The following OSTN variants were observed in gnomAD, a reference collection of about 807,000 sequenced individuals.
OSTN encodes the protein osteocrin.
OSTN carries 9 observed loss-of-function variants against 12.0 expected under a neutral mutation model. That is an observed-to-expected ratio of 0.75 (90% CI 0.45 to 1.30). OSTN has a LOEUF of 1.30. OSTN is among the 50% of genes most tolerant of loss of function. The pLI, the probability that OSTN is intolerant of heterozygous loss-of-function variation, is 0.00. For missense variants in OSTN, 148 were observed against 152.3 expected, an observed-to-expected ratio of 0.97 and a Z score of 0.15; for synonymous variants, 59 against 56.9, an observed-to-expected ratio of 1.04 and a Z score of -0.16.
At chr3:191,205,665 C>T (rs1228615148) in intron 1 of OSTN, among the ~76,000 whole-genome samples, 1 of 151,908 alleles carries the variant, frequency 6.6e-6, no homozygotes, top group East Asian at 1.9e-4. Flanking sequence ...GAGTAGTACT[C>T]AATTATTTTT....
At chr3:191,257,806 G>T (rs1374599021) in intron 4 of OSTN, among the ~76,000 whole-genome samples, 1 of 152,190 alleles carries the variant, frequency 6.6e-6, no homozygotes, top group Non-Finnish European at 1.5e-5. Context: ...ACATGAACTT[G>T]AAAAGCATTT....
At chr3:191,250,710 T>G (rs1185286936) in intron 4 of OSTN, among the ~76,000 whole-genome samples, 1 of 152,208 alleles carries the variant, frequency 6.6e-6, no homozygotes, top group East Asian at 1.9e-4. Flanking sequence ...AATAATGTAG[T>G]GGTATTCTGA....
At position 191,264,058 on chromosome 3, in the gene OSTN, C is replaced by T. The variant is rs545497811; in HGVS notation, c.*1205C>T. The T allele has an allele frequency of 4.0e-5, 6 of 151,868 alleles. No individual in the cohort carries two copies. Among genetic ancestry groups the T allele is most frequent in the East Asian group, 1.9e-4 (1 of 5,186 alleles). 9.4% of individuals were successfully genotyped at this position (151,868 alleles called of 1,614,324 possible). On this transcript the variant is annotated 3_prime_UTR_variant, in exon 5 of 5. Coordinates refer to ENST00000682035, the MANE Select transcript of OSTN (RefSeq NM_198184.2). The stretch of plus-strand genomic sequence containing the variant: ...AAACCCTAAAAATCACTGTCTGATA[C>T]GTGGGAGGAAAAAAGTTTTGTCCAG...
intron 3 of OSTN, among the ~76,000 whole-genome samples, chr3:191,232,312 G>A (rs998691972): frequency 3.2e-5 from 4 of 125,552 alleles, no homozygotes; most frequent in Non-Finnish European, 4.7e-5. Context: ...CAGCCTGGGT[G>A]ACAGAGGGAG....
At chr3:191,259,452 T>C (rs1715752775) in intron 4 of OSTN, among the ~76,000 whole-genome samples, 1 of 149,908 alleles carries the variant, frequency 6.7e-6, no homozygotes, top group African/African-American at 2.4e-5. Context: ...CCACCCGCCT[T>C]GGCCTCCCGA....
At chr3:191,217,410 A>G (rs577690758) in intron 2 of OSTN, among the ~76,000 whole-genome samples, 38 of 152,270 alleles carry the variant, frequency 2.5e-4, no homozygotes, top group African/African-American at 8.9e-4. Context: ...AGTGAAGAAA[A>G]CTCAAAACCA....
At chr3:191,204,544 A>G (rs1162245674) in intron 1 of OSTN, among the ~76,000 whole-genome samples, 1 of 152,156 alleles carries the variant, frequency 6.6e-6, no homozygotes, top group African/African-American at 2.4e-5. Flanking sequence ...AGCCACACTC[A>G]GTTATCTGGT....
At chr3:191,215,888 G>A (rs969516272) in intron 2 of OSTN, among the ~76,000 whole-genome samples, 3 of 152,028 alleles carry the variant, frequency 2.0e-5, no homozygotes, top group Non-Finnish European at 4.4e-5. Context: ...TCCAATTTGG[G>A]GCCTGGAGTA....
chr3:191,228,221 G>T (rs9290981), intron 3 of OSTN, among the ~76,000 whole-genome samples: 52,077 of 152,004 alleles, frequency 0.34, 11,137 homozygotes, highest in African/African-American at 0.59. Context: ...CTATCAGGTA[G>T]GACAAGATAT....
rs1018240876 is a variant in OSTN, at chr3:191,264,092, A to G, written c.*1239A>G. The G allele has an allele frequency of 3.3e-5, 5 of 152,292 alleles. No individual in the cohort carries two copies. The highest frequency in any genetic ancestry group is 1.2e-4 in the African/African-American group (5 of 41,582). 9.4% of individuals were successfully genotyped at this position (152,292 alleles called of 1,614,324 possible). A position where few individuals can be genotyped will look rare whatever the true frequency, so the allele number is the denominator to read the frequency against. ...AAAAAAGTTTTGTCCAGTAGAGCAA[A>G]GGCTTATTTCAGCATAAAAAGAGAG... On this transcript the variant is annotated 3_prime_UTR_variant, in exon 5 of 5. Transcript: ENST00000682035.
At chr3:191,209,593 G>A (rs1209985477) in intron 1 of OSTN, among the ~76,000 whole-genome samples, 5 of 152,176 alleles carry the variant, frequency 3.3e-5, no homozygotes, top group South Asian at 2.1e-4. Flanking sequence ...TTTAAACATT[G>A]CATGTCAAAA....
chr3:191,261,130 T>A (rs1183728589), intron 4 of OSTN, among the ~76,000 whole-genome samples: 1 of 152,134 alleles, frequency 6.6e-6, no homozygotes, highest in Non-Finnish European at 1.5e-5. Flanking sequence ...GGGGTGAAAT[T>A]TTAATCTCGC....
chr3:191,200,583 A>C (rs141415830), intron 1 of OSTN, among the ~76,000 whole-genome samples: 2 of 152,212 alleles, frequency 1.3e-5, no homozygotes, highest in Non-Finnish European at 2.9e-5. Context: ...TAATCCACCT[A>C]TACAACTGCA....
intron 1 of OSTN, among the ~76,000 whole-genome samples, chr3:191,202,560 A>G (rs1714174016): frequency 6.6e-6 from 1 of 152,210 alleles, no homozygotes; most frequent in African/African-American, 2.4e-5. Flanking sequence ...TATGTTGGCT[A>G]GCTTAATGTA....
At chr3:191,214,864 T>C in intron 2 of OSTN, among the ~76,000 whole-genome samples, 1 of 152,012 alleles carries the variant, frequency 6.6e-6, no homozygotes, top group Non-Finnish European at 1.5e-5. Flanking sequence ...AATGCAAAAT[T>C]AGCTGGGTGT....
chr3:191,230,507 T>C (rs1023604347), intron 3 of OSTN, among the ~76,000 whole-genome samples: 1 of 133,310 alleles, frequency 7.5e-6, no homozygotes, highest in African/African-American at 2.9e-5. Flanking sequence ...GAGGTTGCAG[T>C]GAGCTGAGAT....
At chr3:191,261,638 T>C (rs1427354014) in intron 4 of OSTN, among the ~76,000 whole-genome samples, 1 of 152,210 alleles carries the variant, frequency 6.6e-6, no homozygotes, top group East Asian at 1.9e-4. Flanking sequence ...CAAGGAAGTA[T>C]ATTTTGGGTA....
chr3:191,200,973 C>A (rs1023804710), intron 1 of OSTN, among the ~76,000 whole-genome samples: 1 of 152,098 alleles, frequency 6.6e-6, no homozygotes, highest in Non-Finnish European at 1.5e-5. Flanking sequence ...TATTCTCCTC[C>A]CCTCAGGAGC....
At chr3:191,234,867 C>T (rs1715150811) in intron 3 of OSTN, among the ~76,000 whole-genome samples, 2 of 152,144 alleles carry the variant, frequency 1.3e-5, no homozygotes, top group Middle Eastern at 3.4e-3. Context: ...ATTGCTTGAT[C>T]CACACCAAAG....
Sources: allele counts gnomAD v4.1 joint callset (sites outside exome capture counted in the v4.1 genomes callset), GRCh38; gene constraint gnomAD v4.1.1; transcripts MANE v1.5; gene names NCBI Gene and HGNC (gene_info 2026-07-23, HGNC 2026-07-21).